Variants in CDC42BPA observed in about 807,000 individuals in gnomAD.
CDC42BPA encodes serine/threonine-protein kinase MRCK alpha.
In CDC42BPA, 80 loss-of-function variants were observed where a neutral mutation model predicts 223.5. That is an observed-to-expected ratio of 0.36 (90% confidence interval 0.30 to 0.43). The LOEUF is 0.43. CDC42BPA is among the 20% of genes least tolerant of loss of function. The probability of loss-of-function intolerance (pLI) is 1.00; values close to 1 mark genes in which losing one functional copy is unlikely to be tolerated. For missense variants in CDC42BPA, 1,743 were observed against 2,099.9 expected (o/e 0.83, Z 3.32); for synonymous variants, 694 against 718.6 (o/e 0.97, Z 0.55).
intron 34 of CDC42BPA, among the ~76,000 whole-genome samples, chr1:227,012,672 G>A (rs1032066339): frequency 1.3e-5 from 2 of 152,034 alleles, no homozygotes; most frequent in African/African-American, 4.8e-5. Context: ...TGTGGCTTTG[G>A]TATTTAAAAA....
chr1:227,079,891 A>G (rs1039119723), intron 17 of CDC42BPA, among the ~76,000 whole-genome samples: 5 of 151,958 alleles, frequency 3.3e-5, no homozygotes, highest in African/African-American at 4.8e-5. Context: ...ATACCTGAAT[A>G]TACATAATGA....
chr1:227,191,779 C>T (rs1278507222), intron 5 of CDC42BPA, among the ~76,000 whole-genome samples: 2 of 152,080 alleles, frequency 1.3e-5, no homozygotes, highest in East Asian at 1.9e-4. Context: ...ATAGCACTTT[C>T]GTTTCTCATT....
intron 12 of CDC42BPA, among the ~76,000 whole-genome samples, chr1:227,113,261 T>C (rs1006712116): frequency 9.2e-5 from 14 of 152,246 alleles, no homozygotes; most frequent in Non-Finnish European, 2.1e-4. Flanking sequence ...AAACAAGTGT[T>C]GCCCTTGACA....
chr1:227,182,130 T>C (rs1513620), intron 5 of CDC42BPA, among the ~76,000 whole-genome samples: 103,574 of 152,030 alleles, frequency 0.68, 35,517 homozygotes, highest in South Asian at 0.73. Context: ...TTGGCTACTC[T>C]TAATCTATCC....
chr1:227,149,623 A>G (rs551079039), intron 6 of CDC42BPA, among the ~76,000 whole-genome samples: 1 of 152,356 alleles, frequency 6.6e-6, no homozygotes, highest in South Asian at 2.1e-4. Flanking sequence ...AGTCCTAGAA[A>G]TGAAAATAGT....
At chr1:227,232,888 C>T (rs11807555) in intron 2 of CDC42BPA, among the ~76,000 whole-genome samples, 4,573 of 152,288 alleles carry the variant, frequency 0.03, 203 homozygotes, top group African/African-American at 0.1. Flanking sequence ...GCAGTCTGTC[C>T]ATTCTCAGAT....
At chr1:227,160,722 T>A in intron 5 of CDC42BPA, 86 bp from the exon 6 acceptor site, 3 of 730,218 alleles carry the variant, frequency 4.1e-6, no homozygotes. Flanking sequence ...GAAAAAAATC[T>A]CAACTTATTT....
At chr1:227,171,889 C>G (rs959863058) in intron 5 of CDC42BPA, among the ~76,000 whole-genome samples, 1 of 152,072 alleles carries the variant, frequency 6.6e-6, no homozygotes, top group African/African-American at 2.4e-5. Flanking sequence ...GGGATTGGTC[C>G]CTGACAACCA....
intron 1 of CDC42BPA, among the ~76,000 whole-genome samples, chr1:227,268,691 CT>C (rs201491978): frequency 0.21 from 29,108 of 139,408 alleles, 3,002 homozygotes; most frequent in Middle Eastern, 0.26. Context: ...CACACACACA[CT>C]TTTTTTTTTT....
chr1:227,313,012 C>T (rs1573027311), intron 1 of CDC42BPA, among the ~76,000 whole-genome samples: 2 of 152,244 alleles, frequency 1.3e-5, no homozygotes, highest in South Asian at 2.1e-4. Context: ...CTATAAATTA[C>T]TCAGTCTTAG....
At chr1:227,035,714 C>A in intron 24 of CDC42BPA, 107 bp from the exon 25 acceptor site, 2 of 690,130 alleles carry the variant, frequency 2.9e-6, no homozygotes, top group East Asian at 3.1e-5. Flanking sequence ...TGCTTATCTC[C>A]AATTTTATTT....
chr1:227,016,909 T>C lies in CDC42BPA; in HGVS notation c.4739+18A>G, dbSNP rs374622112. 5.0e-6 allele frequency: 8 copies of C among 1,606,282 alleles called. No individual in the cohort carries two copies. Among genetic ancestry groups the C allele is most frequent in the Non-Finnish European group, 5.9e-6 (7 of 1,176,700 alleles). The stretch of plus-strand genomic sequence containing the variant: ...TGGTACAAGCAAGCATGGATGATAC[T>C]ACAGGTTAAGTATCTACCTCCTCTG... On this transcript the variant is annotated intron_variant, in intron 33 of 36. Transcript: ENST00000366766.
At chr1:227,053,855 G>C (rs1038027229) in intron 21 of CDC42BPA, among the ~76,000 whole-genome samples, 1 of 152,166 alleles carries the variant, frequency 6.6e-6, no homozygotes, top group Non-Finnish European at 1.5e-5. Flanking sequence ...ATGACTCTGA[G>C]TTGGGAATAT....
chr1:227,257,079 A>G (rs1165620523), intron 1 of CDC42BPA, among the ~76,000 whole-genome samples: 3 of 152,148 alleles, frequency 2.0e-5, no homozygotes, highest in African/African-American at 7.2e-5. Flanking sequence ...GTAAAGTAAG[A>G]CAGGCATTAA....
At chr1:227,195,697 A>G (rs1435070374) in intron 4 of CDC42BPA, among the ~76,000 whole-genome samples, 1 of 26,856 alleles carries the variant, frequency 3.7e-5, no homozygotes, top group Non-Finnish European at 1.1e-4. Flanking sequence ...ACCTATTCCT[A>G]TATTATTATA....
chr1:227,022,101 A>G (rs1422126220), intron 32 of CDC42BPA, among the ~76,000 whole-genome samples: 1 of 152,112 alleles, frequency 6.6e-6, no homozygotes, highest in African/African-American at 2.4e-5. Flanking sequence ...GTTTTCTTGA[A>G]GCCAGTATTT....
At chr1:227,042,466 G>A (rs898476572) in intron 23 of CDC42BPA, among the ~76,000 whole-genome samples, 1 of 152,082 alleles carries the variant, frequency 6.6e-6, no homozygotes, top group Non-Finnish European at 1.5e-5. Flanking sequence ...AATTATAGGA[G>A]AGGTTGTGTA....
chr1:227,217,646 C>A (rs1675102736), intron 2 of CDC42BPA, among the ~76,000 whole-genome samples: 1 of 152,102 alleles, frequency 6.6e-6, no homozygotes, highest in Admixed American at 6.5e-5. Context: ...AAGTAAAAGT[C>A]AAAATCCTTA....
intron 2 of CDC42BPA, among the ~76,000 whole-genome samples, chr1:227,232,025 T>C (rs562871937): frequency 6.6e-6 from 1 of 152,356 alleles, no homozygotes; most frequent in Non-Finnish European, 1.5e-5. Context: ...TTGTTGCCAT[T>C]GCTTTTCGTG....
Sources: allele counts gnomAD v4.1 joint callset (sites outside exome capture counted in the v4.1 genomes callset), GRCh38; gene constraint gnomAD v4.1.1; transcripts MANE v1.5; gene names NCBI Gene and HGNC (gene_info 2026-07-23, HGNC 2026-07-21).